PCDHA10: variants seen among roughly 807,000 people sequenced by gnomAD.
PCDHA10 encodes protocadherin alpha 10.
In PCDHA10, 45 loss-of-function variants were observed where a neutral mutation model predicts 61.2. The ratio of observed to expected loss-of-function variants is 0.74; its 90% CI spans 0.58 to 0.94. The LOEUF (loss-of-function observed/expected upper bound fraction) is 0.94. Ranked by LOEUF, PCDHA10 falls within the 40% of genes least tolerant of loss-of-function variation. The probability of loss-of-function intolerance (pLI) is 0.00; values close to 1 mark genes in which losing one functional copy is unlikely to be tolerated. For missense variants in PCDHA10, 1,278 were observed against 1,236.2 expected (o/e 1.03, Z -0.51); for synonymous variants, 602 against 548.8 (o/e 1.10, Z -1.35).
At chr5:140,912,689 CA>C (rs781833135) in intron 1 of PCDHA10, among the ~76,000 whole-genome samples, 5 of 152,112 alleles carry the variant, frequency 3.3e-5, no homozygotes, top group African/African-American at 4.8e-5. Context: ...TTCCAGGTCT[CA>C]GGGGGAATGC....
intron 1 of PCDHA10, among the ~76,000 whole-genome samples, chr5:140,942,621 A>T (rs1038877515): frequency 1.5e-3 from 44 of 29,368 alleles, no homozygotes; most frequent in African/African-American, 6.9e-3. Flanking sequence ...GCCAATTGTA[A>T]AAAAAAAAAT....
chr5:140,917,039 A>G (rs1279228933), intron 1 of PCDHA10, among the ~76,000 whole-genome samples: 1 of 152,132 alleles, frequency 6.6e-6, no homozygotes, highest in African/African-American at 2.4e-5. Flanking sequence ...TGAGTCCAGC[A>G]CAGTGTTGTT....
intron 1 of PCDHA10, chr5:140,875,400 T>C: frequency 6.7e-7 from 1 of 1,485,268 alleles, no homozygotes; most frequent in Admixed American, 2.6e-5. Flanking sequence ...AAAGGGTGAC[T>C]GCTCATAAAA....
intron 3 of PCDHA10, among the ~76,000 whole-genome samples, chr5:140,985,991 A>G (rs575854221): frequency 2.7e-4 from 41 of 152,022 alleles, no homozygotes; most frequent in African/African-American, 9.2e-4. Context: ...CGCCCACCTC[A>G]GCCTCCCAAA....
At chr5:140,893,548 C>T (rs2064047739) in intron 1 of PCDHA10, among the ~76,000 whole-genome samples, 1 of 152,126 alleles carries the variant, frequency 6.6e-6, no homozygotes, top group Non-Finnish European at 1.5e-5. Flanking sequence ...TAGGACTTAT[C>T]TAGTTGTAGT....
At chr5:140,875,508 G>A (rs1007736035) in intron 1 of PCDHA10, 19 of 1,613,588 alleles carry the variant, frequency 1.2e-5, no homozygotes, top group Non-Finnish European at 1.6e-5. Flanking sequence ...CGGGATCCCA[G>A]CGTCTGCTGC....
At chr5:140,863,062 G>T (rs62384481) in intron 1 of PCDHA10, 19 of 565,590 alleles carry the variant, frequency 3.4e-5, no homozygotes, top group Non-Finnish European at 5.9e-5. Flanking sequence ...CCCGTTCCAC[G>T]TGGGGCTCTG....
At chr5:140,864,187 AT>A (rs2153225210) in intron 1 of PCDHA10, 1 of 152,208 alleles carries the variant, frequency 6.6e-6, no homozygotes, top group East Asian at 1.9e-4. Context: ...ATGAATAATG[AT>A]CCTTATGAGA....
chr5:140,893,656 T>C (rs950016091), intron 1 of PCDHA10, among the ~76,000 whole-genome samples: 1 of 152,222 alleles, frequency 6.6e-6, no homozygotes. Flanking sequence ...CTGATAGTTT[T>C]AAAAAATTTC....
At chr5:140,962,126 C>A (rs1429316991) in intron 1 of PCDHA10, among the ~76,000 whole-genome samples, 1 of 152,094 alleles carries the variant, frequency 6.6e-6, no homozygotes. Flanking sequence ...ACCTTGGCCT[C>A]GGCCTCCCAA....
chr5:140,917,450 G>A (rs1220183879), intron 1 of PCDHA10, among the ~76,000 whole-genome samples: 2 of 152,010 alleles, frequency 1.3e-5, no homozygotes, highest in Non-Finnish European at 2.9e-5. Context: ...CTGCAAGAGC[G>A]TTTGGCATCT....
intron 1 of PCDHA10, among the ~76,000 whole-genome samples, chr5:140,956,484 A>G (rs868955895): frequency 1.3e-5 from 2 of 152,226 alleles, no homozygotes; most frequent in South Asian, 2.1e-4. Flanking sequence ...CCAGTCTTGC[A>G]TCCCAGGGAT....
Position 141,010,344 on chromosome 5 carries a change from G to C in PCDHA10, c.*407G>C. ...CAGCTTGGGAGTTTGTGGCCACTGG[G>C]TATGTGTGGCTACCGCGGGTATGCG... is the stretch of plus-strand genomic sequence containing the variant. On this transcript the variant is annotated 3_prime_UTR_variant, in exon 4 of 4. Transcript: ENST00000307360. 1 of 1,518,888 alleles carries C rather than the reference G, an allele frequency of 6.6e-7. No homozygotes were observed. Among genetic ancestry groups the C allele is most frequent in the Non-Finnish European group, 8.8e-7 (1 of 1,132,764 alleles). The allele number at this position is 1,518,888 out of a possible 1,614,324, so 94.1% of individuals were successfully genotyped here.
At chr5:140,967,958 CG>C in intron 1 of PCDHA10, 1 of 1,614,182 alleles carries the variant, frequency 6.2e-7, no homozygotes, top group Non-Finnish European at 8.5e-7. Flanking sequence ...AGGCCCCAAC[CG>C]GAAAGTGAGC....
rs782116961 is a variant in PCDHA10, at chr5:140,966,933, C to T, written c.2389-12016C>T. On this transcript the variant is annotated intron_variant, in intron 1 of 3. Transcript: ENST00000307360. ...GTGCCAGAGGAGCAGGCACCCGGCGCGCTCGTGGGCAACGTGGCTCGCGCG... is the reference window on the plus strand; with the variant it reads ...GTGCCAGAGGAGCAGGCACCCGGCGTGCTCGTGGGCAACGTGGCTCGCGCG... 2.5e-6 allele frequency: 4 copies of T among 1,603,904 alleles called. No individual in the cohort carries two copies. The highest frequency in any genetic ancestry group is 1.1e-5 in the South Asian group (1 of 90,778).
At chr5:140,928,099 C>T in intron 1 of PCDHA10, 5 of 1,614,204 alleles carry the variant, frequency 3.1e-6, no homozygotes, top group Non-Finnish European at 4.2e-6. Context: ...TGATGGGCCC[C>T]TGGACCGGGA....
At position 140,856,129 on chromosome 5, in the gene PCDHA10, C is replaced by A. The variant is rs149039484; in HGVS notation, c.81C>A (p.Ser27Arg). Reference sequence around the variant, plus strand: ...TCCTCGCAGCCTGGGAGGTGGGGAGCGGCCAGCTCCACTACTCAGTCTACG... The same window carrying A: ...TCCTCGCAGCCTGGGAGGTGGGGAGAGGCCAGCTCCACTACTCAGTCTACG... ...LLLLAAWEVG[S>R]GQLHYSVYEE... Residue 27 changes from serine to arginine, a missense_variant, in exon 1 of 4, where the codon AGC becomes AGA. Ser to Arg is a moderately radical substitution (Grantham distance 110). Coordinates refer to ENST00000307360, the MANE Select transcript of PCDHA10 (RefSeq NM_018901.4). 3,312 of 1,598,096 alleles carry A rather than the reference C, an allele frequency of 2.1e-3. 297 individuals are homozygous for A. Among genetic ancestry groups the A allele is most frequent in the Non-Finnish European group, 2.6e-3 (3,056 of 1,167,792 alleles).
intron 3 of PCDHA10, among the ~76,000 whole-genome samples, chr5:141,006,247 T>C (rs1554260651): frequency 2.0e-5 from 3 of 152,126 alleles, no homozygotes; most frequent in Non-Finnish European, 2.9e-5. Context: ...AGTCTTGCTC[T>C]GTTGCCCAGG....
chr5:140,894,478 A>C (rs2064495460), intron 1 of PCDHA10, among the ~76,000 whole-genome samples: 2 of 151,508 alleles, frequency 1.3e-5, no homozygotes, highest in South Asian at 4.2e-4. Context: ...TCTTGTTTTC[A>C]TCTTATAGTT....
Sources: allele counts gnomAD v4.1 joint callset (sites outside exome capture counted in the v4.1 genomes callset), GRCh38; gene constraint gnomAD v4.1.1; transcripts MANE v1.5; gene names NCBI Gene and HGNC (gene_info 2026-07-23, HGNC 2026-07-21).